ERFE: variants seen among roughly 807,000 people sequenced by gnomAD.
The protein encoded by ERFE is erythroferrone.
In ERFE, 25 loss-of-function variants were observed where a neutral mutation model predicts 26.6. The ratio of observed to expected loss-of-function variants is 0.94; its 90% CI spans 0.69 to 1.31. The LOEUF (loss-of-function observed/expected upper bound fraction) is 1.31. ERFE is among the 40% of genes most tolerant of loss of function. The probability of loss-of-function intolerance (pLI) is 0.00; values close to 1 mark genes in which losing one functional copy is unlikely to be tolerated. For synonymous variants in ERFE, 206 were observed against 204.5 expected, an observed-to-expected ratio of 1.01 and a Z score of -0.06; for missense variants, 447 against 440.2, an observed-to-expected ratio of 1.02 and a Z score of -0.14.
At chr2:238,160,354 CGGCCACA>C (rs1331888649) in intron 1 of ERFE, among the ~76,000 whole-genome samples, 7 of 152,196 alleles carry the variant, frequency 4.6e-5, no homozygotes, top group African/African-American at 7.2e-5. Context: ...GGTCAGGGTC[CGGCCACA>C]GGCCACAGGT....
In ERFE at chr2:238,163,844, G is replaced by A. The variant is rs1692980476; in HGVS notation, c.532G>A (p.Asp178Asn). The A allele has an allele frequency of 3.8e-6, 5 of 1,319,962 alleles. No individual in the cohort carries two copies. The highest frequency in any genetic ancestry group is 4.8e-6 in the Non-Finnish European group (5 of 1,041,984). 81.8% of individuals were successfully genotyped at this position (1,319,962 alleles called of 1,614,324 possible). ...GGTCTCGGCCACCGCCGGGGAGGACGACGACGACGTGGTGGGGGACGTGCT... is the reference window on the plus strand; with the variant it reads ...GGTCTCGGCCACCGCCGGGGAGGACAACGACGACGTGGTGGGGGACGTGCT... Reference protein sequence around the residue: ...APVSATAGEDDDDVVGDVLAL... With the variant: ...APVSATAGEDNDDVVGDVLAL... Residue 178 changes from aspartate (D) to asparagine (N), a missense_variant, in exon 4 of 8, where the codon GAC (aspartate) becomes AAC (asparagine). Asp to Asn is a conservative substitution (Grantham distance 23). Coordinates refer to ENST00000546354, the MANE Select transcript of ERFE (RefSeq NM_001291832.2).
In ERFE at chr2:238,161,651, G is replaced by C; in HGVS notation, c.256G>C (p.Val86Leu). The C allele has an allele frequency of 1.3e-6, 2 of 1,548,232 alleles. No individual in the cohort carries two copies. Among genetic ancestry groups the C allele is most frequent in the Non-Finnish European group, 1.7e-6 (2 of 1,145,128 alleles). Reference protein sequence around the residue: ...VDPRDAWMLFVRQSDKGVNGK... With the variant: ...VDPRDAWMLFLRQSDKGVNGK... ...CCCCCGGGACGCCTGGATGCTCTTCGTCAGGCAGAGTGACAAGGGTGTCAA... is the reference window on the plus strand; with the variant it reads ...CCCCCGGGACGCCTGGATGCTCTTCCTCAGGCAGAGTGACAAGGGTGTCAA... The change falls in exon 2 of 8, where the codon GTC becomes CTC. Residue 86 changes from valine to leucine, a missense_variant. Transcript: ENST00000546354.
In ERFE at chr2:238,163,914, G is replaced by T. The variant is rs1692983149; in HGVS notation, c.602G>T (p.Arg201Leu). 2.3e-6 allele frequency: 3 copies of T among 1,324,996 alleles called. No homozygotes were observed. Among genetic ancestry groups the T allele is most frequent in the South Asian group, 4.3e-5 (2 of 46,242 alleles). 82.1% of individuals were successfully genotyped at this position (1,324,996 alleles called of 1,614,324 possible). The change falls in exon 4 of 8, where the codon CGC becomes CTC. Residue 201 changes from arginine to leucine, a missense_variant. Transcript: ENST00000546354. Reference protein sequence around the residue: ...APLAPGPRAPRVEAAFLCRLR... With the variant: ...APLAPGPRAPLVEAAFLCRLR... ...CTGGCCCCGGGGCCGCGGGCGCCGC[G>T]CGTGGAGGCCGCTTTCCTCTGCCGC...
intron 7 of ERFE, among the ~76,000 whole-genome samples, chr2:238,166,013 G>A (rs1452179124): frequency 7.2e-5 from 11 of 152,210 alleles, no homozygotes; most frequent in Non-Finnish European, 1.3e-4. Context: ...CCACAAGCCC[G>A]CTGAAGGGAC....
Position 238,158,971 on chromosome 2 carries a change from A to G in ERFE, c.-37A>G. On this transcript the variant is annotated 5_prime_UTR_variant, in exon 1 of 8. Coordinates refer to ENST00000546354, the MANE Select transcript of ERFE (RefSeq NM_001291832.2). ...AGGCGAGGAGCCCGGGGCGTCCGAG[A>G]CGCCGCGCTCGGAGCCGCGAGGGAA... 4.2e-6 allele frequency: 1 copy of G among 240,860 alleles called. No individual in the cohort carries two copies. Among genetic ancestry groups the G allele is most frequent in the Non-Finnish European group, 7.9e-6 (1 of 126,136 alleles). 14.9% of individuals were successfully genotyped at this position (240,860 alleles called of 1,614,324 possible). A position where few individuals can be genotyped will look rare whatever the true frequency, so the allele number is the denominator to read the frequency against.
intron 7 of ERFE, among the ~76,000 whole-genome samples, chr2:238,166,357 T>C (rs190703536): frequency 3.2e-4 from 48 of 152,356 alleles, no homozygotes. Flanking sequence ...CTGTGCTTGC[T>C]GAAAGGCATT....
Position 238,167,653 on chromosome 2 carries a change from A to G in ERFE, c.*599A>G. ...CTGCCAGTGGAGCTGAGCACTGCCT[A>G]GCCTGGGCCAGAGGGGCACTGGACA... On this transcript the variant is annotated 3_prime_UTR_variant, in exon 8 of 8. Transcript: ENST00000546354. 1 of 355,158 alleles carries G rather than the reference A, an allele frequency of 2.8e-6. No homozygotes were observed. Among genetic ancestry groups the G allele is most frequent in the South Asian group, 2.1e-5 (1 of 47,714 alleles). 22.0% of individuals were successfully genotyped at this position (355,158 alleles called of 1,614,324 possible).
rs1455813702 is a variant in ERFE at position 238,167,270 on chromosome 2, CACCA to C, written c.*217_*220del. The stretch of plus-strand genomic sequence containing the variant: ...TCCCGGAGCCAGGGTTGATTCAGGA[CACCA>C]TCTTGGGCTCTTATCCAGGAAAGAA... On this transcript the variant is annotated 3_prime_UTR_variant, in exon 8 of 8. Coordinates refer to ENST00000546354, the MANE Select transcript of ERFE (RefSeq NM_001291832.2). 5 of 703,910 alleles carry C rather than the reference CACCA, an allele frequency of 7.1e-6. No homozygotes were observed. Among genetic ancestry groups the C allele is most frequent in the Non-Finnish European group, 1.3e-5 (5 of 387,410 alleles). The allele number at this position is 703,910 out of a possible 1,614,324, so 43.6% of individuals were successfully genotyped here. A position where few individuals can be genotyped will look rare whatever the true frequency, so the allele number is the denominator to read the frequency against.
At position 238,162,844 on chromosome 2, in the gene ERFE, G is replaced by C. The variant is rs1434191677; in HGVS notation, c.424+6G>C. The stretch of plus-strand genomic sequence containing the variant: ...GTTCCAGCTGCTGCTGAAAGGTAGG[G>C]GTGTGCACCGGCTGGGACACACACA... On this transcript the variant is annotated splice_donor_region_variant and intron_variant, in intron 3 of 7. Transcript: ENST00000546354. 1 of 1,547,804 alleles carries C rather than the reference G, an allele frequency of 6.5e-7. No homozygotes were observed. The highest frequency in any genetic ancestry group is 8.7e-7 in the Non-Finnish European group (1 of 1,145,018).
At chr2:238,161,386 C>T (rs530047572) in intron 1 of ERFE, among the ~76,000 whole-genome samples, 2 of 152,318 alleles carry the variant, frequency 1.3e-5, no homozygotes, top group Admixed American at 6.5e-5. Flanking sequence ...AGGTGTGGCC[C>T]GTTCCCTAGG....
At chr2:238,160,688 T>C (rs1475716592) in intron 1 of ERFE, among the ~76,000 whole-genome samples, 1 of 152,084 alleles carries the variant, frequency 6.6e-6, no homozygotes, top group African/African-American at 2.4e-5. Context: ...TCCCCCCAGA[T>C]CAGCCAGGAA....
At chr2:238,165,407 C>G (rs1362658957) in intron 6 of ERFE, among the ~76,000 whole-genome samples, 199 bp from the exon 7 acceptor site, 1 of 152,238 alleles carries the variant, frequency 6.6e-6, no homozygotes, top group Non-Finnish European at 1.5e-5. Context: ...CTTGCCTTTC[C>G]CAATACAGCA....
intron 3 of ERFE, 111 bp from the exon 4 acceptor site, chr2:238,163,626 C>T: frequency 8.4e-7 from 1 of 1,195,264 alleles, no homozygotes; most frequent in Non-Finnish European, 1.0e-6. Flanking sequence ...TCGCCCCACC[C>T]CTGCGCCCGG....
rs748738414 is a variant in ERFE, at chr2:238,167,285, T to C, written c.*231T>C. The C allele has an allele frequency of 2.9e-6, 2 of 700,928 alleles. No individual in the cohort carries two copies. The highest frequency in any genetic ancestry group is 1.5e-5 in the South Asian group (1 of 66,758). The allele number at this position is 700,928 out of a possible 1,614,324, so 43.4% of individuals were successfully genotyped here. On this transcript the variant is annotated 3_prime_UTR_variant, in exon 8 of 8. Coordinates refer to ENST00000546354, the MANE Select transcript of ERFE (RefSeq NM_001291832.2). Reference sequence around the variant, plus strand: ...TGATTCAGGACACCATCTTGGGCTCTTATCCAGGAAAGAAAGAGTCGGCGT... The same window carrying C: ...TGATTCAGGACACCATCTTGGGCTCCTATCCAGGAAAGAAAGAGTCGGCGT...
intron 3 of ERFE, 125 bp from the exon 4 acceptor site, chr2:238,163,612 G>A (rs1692974705): frequency 3.5e-6 from 4 of 1,129,060 alleles, no homozygotes; most frequent in Non-Finnish European, 4.4e-6. Context: ...AGGGGACGTC[G>A]CCCTCGCCCC....
chr2:238,167,782 A>C lies in ERFE; in HGVS notation c.*728A>C. On this transcript the variant is annotated 3_prime_UTR_variant, in exon 8 of 8. Transcript: ENST00000546354. ...GAAGGCCTTTCCAAATGGGAGCTCC[A>C]CTCTTCCCCTCCTCTGCAAATCTTC... is the stretch of plus-strand genomic sequence containing the variant. The C allele has an allele frequency of 1.1e-5, 3 of 261,044 alleles. No individual in the cohort carries two copies. Among genetic ancestry groups the C allele is most frequent in the East Asian group, 2.0e-4 (2 of 10,116 alleles). 16.2% of individuals were successfully genotyped at this position (261,044 alleles called of 1,614,324 possible).
chr2:238,162,878 T>C (rs1305925473), intron 3 of ERFE, 40 bp downstream of exon 3: 1 of 1,482,690 alleles, frequency 6.7e-7, no homozygotes, highest in Non-Finnish European at 9.2e-7. Context: ...CACCCCGCTG[T>C]GAGCAGGGCC....
rs777815814 is a variant in ERFE, at chr2:238,163,746, G to C, written c.434G>C (p.Arg145Pro). The C allele has an allele frequency of 1.5e-6, 2 of 1,345,170 alleles. No homozygotes were observed. Among genetic ancestry groups the C allele is most frequent in the Non-Finnish European group, 1.9e-6 (2 of 1,053,858 alleles). 83.3% of individuals were successfully genotyped at this position (1,345,170 alleles called of 1,614,324 possible). A position where few individuals can be genotyped will look rare whatever the true frequency, so the allele number is the denominator to read the frequency against. The change falls in exon 4 of 8, where the codon CGG becomes CCG. Residue 145 changes from arginine (R) to proline (P), a missense_variant. Arg to Pro is a moderately radical substitution (Grantham distance 103). Coordinates refer to ENST00000546354, the MANE Select transcript of ERFE (RefSeq NM_001291832.2). ...GCTCGCTCTGTGCCAGGTGCGGTGC[G>C]GCAGCGGGAGCGCGCGGAGCCCGAA... ...EFQLLLKGAVRQRERAEPEPC... is the reference protein window; with the variant it reads ...EFQLLLKGAVPQRERAEPEPC...
intron 3 of ERFE, among the ~76,000 whole-genome samples, chr2:238,163,400 T>C (rs1692969645): frequency 6.6e-6 from 1 of 152,254 alleles, no homozygotes; most frequent in Admixed American, 6.5e-5. Context: ...TAGCACCTTC[T>C]GCGCTGAAGA....
Sources: gnomAD v4.1 joint callset for allele counts (sites outside exome capture counted in the v4.1 genomes callset) on GRCh38, gnomAD v4.1.1 for gene constraint, MANE v1.5 for transcripts, NCBI Gene and HGNC (gene_info 2026-07-23, HGNC 2026-07-21) for gene names.